The following EXD3 variants were observed in gnomAD, a reference collection of about 807,000 sequenced individuals.
EXD3 encodes exonuclease 3'-5' domain containing 3.
A neutral mutation model predicts 98.0 loss-of-function variants in EXD3; 92 were observed. That is an observed-to-expected ratio of 0.94 (90% CI 0.79 to 1.12). The LOEUF (loss-of-function observed/expected upper bound fraction) is 1.12. EXD3 is among the 50% of genes most tolerant of loss of function. The probability of loss-of-function intolerance (pLI) is 0.00; values close to 1 mark genes in which losing one functional copy is unlikely to be tolerated. For synonymous variants in EXD3, 569 were observed against 526.0 expected (o/e 1.08, Z -1.12); for missense variants, 1,222 against 1,191.6 (o/e 1.03, Z -0.38).
chr9:137,369,213 A>T (rs1835459391), intron 5 of EXD3, among the ~76,000 whole-genome samples: 1 of 133,496 alleles, frequency 7.5e-6, no homozygotes, highest in Admixed American at 7.2e-5. Flanking sequence ...CCACATGGGG[A>T]GGGGCGCAGG....
intron 1 of EXD3, among the ~76,000 whole-genome samples, chr9:137,396,247 C>T (rs1354492129): frequency 6.6e-6 from 1 of 152,172 alleles, no homozygotes; most frequent in South Asian, 2.1e-4. Context: ...GGACTACAGG[C>T]GTGAGCCACC....
At chr9:137,404,272 C>T (rs1837615347) in intron 1 of EXD3, among the ~76,000 whole-genome samples, 1 of 152,170 alleles carries the variant, frequency 6.6e-6, no homozygotes, top group African/African-American at 2.4e-5. Context: ...GATCGCGGGT[C>T]CTTCCCCAAC....
chr9:137,314,124 T>C (rs980465621), intron 19 of EXD3, among the ~76,000 whole-genome samples: 1 of 152,104 alleles, frequency 6.6e-6, no homozygotes, highest in African/African-American at 2.4e-5. Flanking sequence ...GGTGTGGGCC[T>C]GACACCTTGC....
At chr9:137,363,042 C>G (rs1015121592) in intron 7 of EXD3, among the ~76,000 whole-genome samples, 1 of 151,986 alleles carries the variant, frequency 6.6e-6, no homozygotes, top group Non-Finnish European at 1.5e-5. Context: ...AACTCCTGAC[C>G]TCAGGTGATC....
intron 1 of EXD3, among the ~76,000 whole-genome samples, chr9:137,402,977 C>T (rs1048039047): frequency 2.0e-5 from 3 of 152,086 alleles, no homozygotes; most frequent in African/African-American, 7.2e-5. Context: ...TGGGAAAGAC[C>T]GGCCCCAGGA....
At position 137,324,270 on chromosome 9, in the gene EXD3, G is replaced by A; in HGVS notation, c.1999-127C>T. ...CCCCAGGCCCCTTTTGTCCTCCAGG[G>A]TGGCCTCTGCCTGGGGTCTTGGGTG... On this transcript the variant is annotated intron_variant, in intron 17 of 21. Transcript: ENST00000340951. The surrounding 1 kb of genome is among the most constrained non-coding windows in gnomAD (Gnocchi z 4.1). 2.6e-6 allele frequency: 2 copies of A among 776,560 alleles called. No individual in the cohort carries two copies. Among genetic ancestry groups the A allele is most frequent in the Non-Finnish European group, 4.2e-6 (2 of 475,086 alleles). 48.1% of individuals were successfully genotyped at this position (776,560 alleles called of 1,614,324 possible).
intron 1 of EXD3, among the ~76,000 whole-genome samples, chr9:137,406,759 T>C (rs1177104338): frequency 6.6e-6 from 1 of 152,116 alleles, no homozygotes; most frequent in Non-Finnish European, 1.5e-5. Flanking sequence ...ACAGCCTCAG[T>C]GGGCGGTAGA....
chr9:137,371,201 T>C lies in EXD3; in HGVS notation c.462+1704A>G, dbSNP rs770821175. On this transcript the variant is annotated intron_variant, in intron 5 of 21. Transcript: ENST00000340951. The surrounding 1 kb of genome is among the most constrained non-coding windows in gnomAD (Gnocchi z 8.0). ...TGTAACAGAAGACGGCCCGAAACAC[T>C]AGCCTGCCTTCTGCCTCCCTGCACT... Among the ~76,000 whole-genome samples the C allele has an allele frequency of 2.0e-5, 3 of 152,152 alleles. No homozygotes were observed. Among genetic ancestry groups the C allele is most frequent in the Non-Finnish European group, 2.9e-5 (2 of 68,010 alleles).
chr9:137,372,844 G>A (rs993516594), intron 5 of EXD3, 61 bp downstream of exon 5: 52 of 1,557,268 alleles, frequency 3.3e-5, no homozygotes, highest in Middle Eastern at 2.3e-4. Flanking sequence ...AGCCAGGCGC[G>A]TCCTTGCCCC....
intron 1 of EXD3, among the ~76,000 whole-genome samples, chr9:137,397,698 G>C (rs1318871422): frequency 2.0e-5 from 3 of 152,216 alleles, no homozygotes; most frequent in African/African-American, 4.8e-5. Flanking sequence ...AGGAGGCCGA[G>C]TGCAGTGTGG....
At chr9:137,389,552 G>A (rs1298994746) in intron 2 of EXD3, among the ~76,000 whole-genome samples, 1 of 152,192 alleles carries the variant, frequency 6.6e-6, no homozygotes, top group East Asian at 1.9e-4. Flanking sequence ...ACCCCACAAG[G>A]AGGCAGAGAG....
chr9:137,358,955 T>G (rs1159142098), intron 7 of EXD3, among the ~76,000 whole-genome samples: 1 of 146,570 alleles, frequency 6.8e-6, no homozygotes, highest in Admixed American at 6.8e-5. Flanking sequence ...AAGGCCTACT[T>G]TTTTTTTTTG....
At chr9:137,321,868 C>A (rs1309890976) in intron 19 of EXD3, among the ~76,000 whole-genome samples, 3 of 152,178 alleles carry the variant, frequency 2.0e-5, no homozygotes, top group African/African-American at 7.2e-5. Context: ...CCCACGGAGA[C>A]CCTGGCGCCT....
At position 137,323,784 on chromosome 9, in the gene EXD3, C is replaced by A; in HGVS notation, c.2125G>T (p.Ala709Ser). Residue 709 changes from alanine to serine, a missense_variant, in exon 19 of 22, where the codon GCT (alanine) becomes TCT (serine). By Grantham distance (99) the Ala-to-Ser change is moderately conservative. Transcript: ENST00000340951. ...CGCACGTTGAAATGCTTGAGCACAG[C>A]CTTGGCCTGCTGCTGGGCCTTCAGG... ...CSLKAQQQAK[A>S]VLKHFNVRVT... 1 of 1,612,362 alleles carries A rather than the reference C, an allele frequency of 6.2e-7. No homozygotes were observed.
intron 7 of EXD3, 131 bp downstream of exon 7, chr9:137,366,362 C>T: frequency 1.5e-6 from 2 of 1,318,562 alleles, no homozygotes; most frequent in East Asian, 2.5e-5. Context: ...CACATGGCAG[C>T]TGTGACCCAA....
chr9:137,421,833 A>G (rs1838531215), intron 1 of EXD3, among the ~76,000 whole-genome samples: 1 of 152,214 alleles, frequency 6.6e-6, no homozygotes, highest in Non-Finnish European at 1.5e-5. Context: ...GCAAGACCCC[A>G]TTTCTAAGTA....
At chr9:137,322,398 A>G (rs1461717307) in intron 19 of EXD3, among the ~76,000 whole-genome samples, 2 of 143,120 alleles carry the variant, frequency 1.4e-5, no homozygotes, top group African/African-American at 2.6e-5. Context: ...CTCTGCCAAC[A>G]TCTCACCCCA....
chr9:137,390,119 CAA>C (rs34716316), intron 2 of EXD3, among the ~76,000 whole-genome samples: 5 of 23,380 alleles, frequency 2.1e-4, no homozygotes, highest in Admixed American at 1.6e-3. Flanking sequence ...GAGACTCTGT[CAA>C]AAAAAAAAAA....
chr9:137,366,825 C>T (rs922253512), intron 6 of EXD3, among the ~76,000 whole-genome samples, 193 bp from the exon 7 acceptor site: 2 of 152,238 alleles, frequency 1.3e-5, no homozygotes, highest in African/African-American at 2.4e-5. Flanking sequence ...GCTCTGTGGC[C>T]ATCCCCATCT....
Sources: allele counts gnomAD v4.1 joint callset (sites outside exome capture counted in the v4.1 genomes callset), GRCh38; gene constraint gnomAD v4.1.1; non-coding constraint Gnocchi (gnomAD v3.1); transcripts MANE v1.5; gene names NCBI Gene and HGNC (gene_info 2026-07-23, HGNC 2026-07-21).